Variants in RDH5 observed in about 807,000 individuals in gnomAD.
RDH5 encodes the protein 11-cis RDH.
In RDH5, 25 loss-of-function variants were observed where a neutral mutation model predicts 24.0. The observed-to-expected ratio is 1.04, with a 90% confidence interval of 0.76 to 1.46. The LOEUF (loss-of-function observed/expected upper bound fraction) is 1.46, where lower values mean the gene tolerates loss of function less well. Ranked by LOEUF, RDH5 falls within the 40% of genes most tolerant of loss-of-function variation. The probability of loss-of-function intolerance (pLI) is 0.00; values close to 1 mark genes in which losing one functional copy is unlikely to be tolerated. For synonymous variants in RDH5, 170 were observed against 175.2 expected (o/e 0.97, Z 0.23); for missense variants, 369 against 410.3 (o/e 0.90, Z 0.87).
In RDH5 at chr12:55,723,874, C is replaced by T; in HGVS notation, c.570-12C>T. 1 of 1,613,018 alleles carries T rather than the reference C, an allele frequency of 6.2e-7. No individual in the cohort carries two copies. Among genetic ancestry groups the T allele is most frequent in the Non-Finnish European group, 8.5e-7 (1 of 1,180,002 alleles). On this transcript the variant is annotated splice_polypyrimidine_tract_variant and intron_variant, in intron 3 of 4. Transcript: ENST00000257895. ...GCAAGAACCCAGCAACTTCGCTCTGCCCCGACTCTAGGCGGGATGTAGCTC... is the reference window on the plus strand; with the variant it reads ...GCAAGAACCCAGCAACTTCGCTCTGTCCCGACTCTAGGCGGGATGTAGCTC...
In RDH5 at chr12:55,721,849, G is replaced by A; in HGVS notation, c.471G>A (p.Arg157=). ...CTCTGCTGCAGCAAGCCCGGGGCCGGGTGATCAACATCACCAGCGTCCTGG... is the reference window on the plus strand; with the variant it reads ...CTCTGCTGCAGCAAGCCCGGGGCCGAGTGATCAACATCACCAGCGTCCTGG... ...LLPLLQQARG[R]VINITSVLGR... Residue 157 remains arginine (R), a synonymous_variant, in exon 3 of 5, where the codon CGG becomes CGA. Transcript: ENST00000257895. The surrounding 1 kb of genome is among the most constrained non-coding windows in gnomAD (Gnocchi z 4.7). 6.2e-7 allele frequency: 1 copy of A among 1,614,064 alleles called. No homozygotes were observed. Among genetic ancestry groups the A allele is most frequent in the Non-Finnish European group, 8.5e-7 (1 of 1,180,024 alleles).
chr12:55,720,771 G>A, intron 1 of RDH5: 1 of 218,334 alleles, frequency 4.6e-6, no homozygotes, highest in Non-Finnish European at 9.2e-6. Flanking sequence ...ACAAGACCCA[G>A]GTTGCATATA....
rs940921145 is a variant in RDH5, at chr12:55,723,816, A to C, written c.570-70A>C. The C allele has an allele frequency of 2.6e-5, 41 of 1,575,748 alleles. No individual in the cohort carries two copies. The South Asian group carries it at 4.6e-4, about 18-fold the overall frequency. On this transcript the variant is annotated intron_variant, in intron 3 of 4. Coordinates refer to ENST00000257895, the MANE Select transcript of RDH5 (RefSeq NM_002905.5). The stretch of plus-strand genomic sequence containing the variant: ...TCTGTGGTAACTTTCTCAGCTCCCC[A>C]ACCCATGTCCCTCAAAGTCCCCTCC...
Position 55,724,385 on chromosome 12 carries a change from G to A in RDH5, c.797G>A (p.Arg266Gln), listed in dbSNP as rs368653792. ...ICDPDLTKVS[R>Q]CLEHALTARH... ...GACCCGGACCTAACCAAGGTGAGCC[G>A]ATGCCTGGAGCATGCCCTGACTGCT... is the stretch of plus-strand genomic sequence containing the variant. Residue 266 changes from arginine to glutamine, a missense_variant, in exon 5 of 5, where the codon CGA becomes CAA. Arg to Gln is a conservative substitution (Grantham distance 43, BLOSUM62 1). Transcript: ENST00000257895. 7.4e-6 allele frequency: 12 copies of A among 1,614,186 alleles called. No individual in the cohort carries two copies. The highest frequency in any genetic ancestry group is 3.3e-5 in the South Asian group (3 of 91,090).
In RDH5 at chr12:55,721,229, G is replaced by A. The variant is rs1421902393; in HGVS notation, c.45G>A (p.Leu15=). 1 of 1,614,084 alleles carries A rather than the reference G, an allele frequency of 6.2e-7. No individual in the cohort carries two copies. Among genetic ancestry groups the A allele is most frequent in the Non-Finnish European group, 8.5e-7 (1 of 1,180,050 alleles). The change falls in exon 2 of 5, where the codon CTG becomes CTA. Residue 15 remains leucine (L), a synonymous_variant. Transcript: ENST00000257895. The surrounding 1 kb of genome is among the most constrained non-coding windows in gnomAD (Gnocchi z 4.7). The part of the protein sequence containing the change: ...LLLGALLWAV[L]WLLRDRQSLP... ...TGGGTGCCTTACTCTGGGCAGTGCTGTGGTTGCTCAGGGACCGGCAGAGCC... is the reference window on the plus strand; with the variant it reads ...TGGGTGCCTTACTCTGGGCAGTGCTATGGTTGCTCAGGGACCGGCAGAGCC...
Position 55,724,621 on chromosome 12 carries a change from C to G in RDH5, c.*76C>G, listed in dbSNP as rs577996458. The G allele has an allele frequency of 5.4e-6, 7 of 1,290,470 alleles. No homozygotes were observed. In the African/African-American group the frequency reaches 5.8e-5, roughly 11 times the overall value. The allele number at this position is 1,290,470 out of a possible 1,614,324, so 79.9% of individuals were successfully genotyped here. The stretch of plus-strand genomic sequence containing the variant: ...ATTTCTGCCCCCACCCTGGTACTGC[C>G]TGGTGCCTGCCACAAAATAAGCACT... On this transcript the variant is annotated 3_prime_UTR_variant, in exon 5 of 5. Coordinates refer to ENST00000257895, the MANE Select transcript of RDH5 (RefSeq NM_002905.5).
chr12:55,721,210 C>T lies in RDH5; in HGVS notation c.26C>T (p.Ala9Val), dbSNP rs1256839867. The part of the protein sequence containing the change: MWLPLLLG[A>V]LLWAVLWLLR... ...ATGTGGCTGCCTCTTCTGCTGGGTGCCTTACTCTGGGCAGTGCTGTGGTTG... is the reference window on the plus strand; with the variant it reads ...ATGTGGCTGCCTCTTCTGCTGGGTGTCTTACTCTGGGCAGTGCTGTGGTTG... The change falls in exon 2 of 5, where the codon GCC becomes GTC. Residue 9 changes from alanine to valine, a missense_variant. Physicochemically the swap from Ala to Val is moderately conservative, Grantham distance 64 (BLOSUM62 0). Transcript: ENST00000257895. The surrounding 1 kb of genome is among the most constrained non-coding windows in gnomAD (Gnocchi z 4.7). 1.2e-6 allele frequency: 2 copies of T among 1,614,028 alleles called. No individual in the cohort carries two copies. Among genetic ancestry groups the T allele is most frequent in the Non-Finnish European group, 1.7e-6 (2 of 1,180,040 alleles).
rs749189650 is a variant in RDH5 at position 55,724,587 on chromosome 12, C to T, written c.*42C>T. On this transcript the variant is annotated 3_prime_UTR_variant, in exon 5 of 5. Transcript: ENST00000257895. ...AGAGATTGTTTTTCAAGGACAAGGACTTTGATTTATTTCTGCCCCCACCCT... is the reference window on the plus strand; with the variant it reads ...AGAGATTGTTTTTCAAGGACAAGGATTTTGATTTATTTCTGCCCCCACCCT... 6 of 1,574,806 alleles carry T rather than the reference C, an allele frequency of 3.8e-6. No individual in the cohort carries two copies. Among genetic ancestry groups the T allele is most frequent in the East Asian group, 4.5e-5 (2 of 44,736 alleles).
rs1876922678 is a variant in RDH5 at position 55,721,614 on chromosome 12, C to T, written c.311-75C>T. 1.9e-6 allele frequency: 3 copies of T among 1,598,784 alleles called. No homozygotes were observed. The highest frequency in any genetic ancestry group is 2.5e-6 in the Non-Finnish European group (3 of 1,178,222). On this transcript the variant is annotated intron_variant, in intron 2 of 4. Transcript: ENST00000257895. This position sits in a 1 kb window ranked among gnomAD's most constrained non-coding sequence, Gnocchi z 4.7. ...GGACAATTTGAGGAGAAGCAGTTTT[C>T]AGATGCTCCCAGGAAGAAGAGGGAG...
chr12:55,722,030 G>A, intron 3 of RDH5, 83 bp downstream of exon 3: 1 of 1,419,342 alleles, frequency 7.0e-7, no homozygotes, highest in Non-Finnish European at 9.7e-7. Context: ...TTAAGATACA[G>A]CACATTGGAA....
In RDH5 at chr12:55,721,949, T is replaced by C; in HGVS notation, c.569+2T>C. On this transcript the variant is annotated splice_donor_variant, in intron 3 of 4. Transcript: ENST00000257895. LOFTEE classifies it high-confidence loss of function. The surrounding 1 kb of genome is among the most constrained non-coding windows in gnomAD (Gnocchi z 4.7). Reference sequence around the variant, plus strand: ...GGAGGCCTTCTCTGACAGCCTGAGGTGAGGGGTACAGGGCTCTGGGTTCCA... The same window carrying C: ...GGAGGCCTTCTCTGACAGCCTGAGGCGAGGGGTACAGGGCTCTGGGTTCCA... 1 of 1,612,454 alleles carries C rather than the reference T, an allele frequency of 6.2e-7. No individual in the cohort carries two copies. The highest frequency in any genetic ancestry group is 1.1e-5 in the South Asian group (1 of 90,758).
chr12:55,723,873 G>A lies in RDH5; in HGVS notation c.570-13G>A, dbSNP rs1207469051. ...GGCAAGAACCCAGCAACTTCGCTCT[G>A]CCCCGACTCTAGGCGGGATGTAGCT... On this transcript the variant is annotated splice_polypyrimidine_tract_variant and intron_variant, in intron 3 of 4. Transcript: ENST00000257895. The A allele has an allele frequency of 3.1e-6, 5 of 1,612,806 alleles. No homozygotes were observed. The highest frequency in any genetic ancestry group is 3.4e-6 in the Non-Finnish European group (4 of 1,180,000).
chr12:55,723,724 C>T (rs1237604766), intron 3 of RDH5, 162 bp from the exon 4 acceptor site: 2 of 754,090 alleles, frequency 2.7e-6, no homozygotes, highest in East Asian at 2.7e-5. Flanking sequence ...AAATACTTTC[C>T]TCCCTCTACC....
rs1592524674 is a variant in RDH5 at position 55,724,063 on chromosome 12, C to T, written c.733+14C>T. The stretch of plus-strand genomic sequence containing the variant: ...TCCTCACCAAGTGTGAGTAGCCAGG[C>T]CCACACAGGGGCACATGAAGGGAAA... On this transcript the variant is annotated intron_variant, in intron 4 of 4. Coordinates refer to ENST00000257895, the MANE Select transcript of RDH5 (RefSeq NM_002905.5). 6.2e-7 allele frequency: 1 copy of T among 1,605,602 alleles called. No homozygotes were observed. The highest frequency in any genetic ancestry group is 1.1e-5 in the South Asian group (1 of 90,932).
Position 55,721,278 on chromosome 12 carries a change from T to C in RDH5, c.94T>C (p.Phe32Leu). The change falls in exon 2 of 5, where the codon TTC (phenylalanine) becomes CTC (leucine). Residue 32 changes from phenylalanine to leucine, a missense_variant. By Grantham distance (22) the Phe-to-Leu change is conservative. Coordinates refer to ENST00000257895, the MANE Select transcript of RDH5 (RefSeq NM_002905.5). The surrounding 1 kb of genome is among the most constrained non-coding windows in gnomAD (Gnocchi z 4.7). ...CCTGCCCGCCAGCAATGCCTTTGTC[T>C]TCATCACCGGCTGTGACTCAGGCTT... ...QSLPASNAFV[F>L]ITGCDSGFGR... 6.2e-7 allele frequency: 1 copy of C among 1,614,064 alleles called. No individual in the cohort carries two copies. The highest frequency in any genetic ancestry group is 1.1e-5 in the South Asian group (1 of 91,082).
At chr12:55,723,825 C>T in intron 3 of RDH5, 61 bp from the exon 4 acceptor site, 1 of 1,588,160 alleles carries the variant, frequency 6.3e-7, no homozygotes, top group Non-Finnish European at 8.6e-7. Context: ...CAACCCATGT[C>T]CCTCAAAGTC....
At chr12:55,723,835 C>G (rs542661978) in intron 3 of RDH5, 51 bp from the exon 4 acceptor site, 2 of 1,604,270 alleles carry the variant, frequency 1.2e-6, no homozygotes, top group Admixed American at 1.7e-5. Flanking sequence ...CCCTCAAAGT[C>G]CCCTCCCTAT....
In RDH5 at chr12:55,721,595, T is replaced by C; in HGVS notation, c.311-94T>C. On this transcript the variant is annotated intron_variant, in intron 2 of 4. Transcript: ENST00000257895. This position sits in a 1 kb window ranked among gnomAD's most constrained non-coding sequence, Gnocchi z 4.7. ...GGGCTGTGGTAAGCTAAAGGGACAA[T>C]TTGAGGAGAAGCAGTTTTCAGATGC... 1 of 1,595,892 alleles carries C rather than the reference T, an allele frequency of 6.3e-7. No individual in the cohort carries two copies. Among genetic ancestry groups the C allele is most frequent in the South Asian group, 1.1e-5 (1 of 90,680 alleles).
chr12:55,720,883 C>CAAAA (rs4016511), intron 1 of RDH5: 180 of 100,218 alleles, frequency 1.8e-3, no homozygotes, highest in Admixed American at 4.2e-3. Flanking sequence ...GACTCCATCT[C>CAAAA]AAAAAAAAAA....
Sources: gnomAD v4.1 joint callset for allele counts on GRCh38, gnomAD v4.1.1 for gene constraint, Gnocchi (gnomAD v3.1) non-coding constraint, MANE v1.5 for transcripts, NCBI Gene and HGNC (gene_info 2026-07-23, HGNC 2026-07-21) for gene names.